FMN1: variants seen among roughly 807,000 people sequenced by gnomAD.
FMN1 encodes the protein formin-1.
FMN1 carries 110 observed loss-of-function variants against 132.4 expected under a neutral mutation model. That is an observed-to-expected ratio of 0.83 (90% CI 0.71 to 0.97). The LOEUF (loss-of-function observed/expected upper bound fraction) is 0.97. FMN1 is among the 50% of genes least tolerant of loss of function. The pLI is 0.00. For synonymous variants in FMN1, 722 were observed against 651.7 expected (o/e 1.11, Z -1.64); for missense variants, 1,792 against 1,705.3 (o/e 1.05, Z -0.90).
At chr15:33,032,463 CTGTT>C (rs913157288) in intron 6 of FMN1, among the ~76,000 whole-genome samples, 2 of 152,136 alleles carry the variant, frequency 1.3e-5, no homozygotes, top group East Asian at 1.9e-4. Context: ...TTATTTTCTT[CTGTT>C]TGTGTGTATG....
rs542968990 is a variant in FMN1, at chr15:33,119,467, C to G, written c.1868-30493G>C. ...CATCGCAAGAGCAACTGCTACAGTG[C>G]CACCCAGGAGGAGACTCTGCCAAGC... On this transcript the variant is annotated intron_variant, in intron 4 of 20. Transcript: ENST00000616417. Among the ~76,000 whole-genome samples the G allele has an allele frequency of 3.3e-4, 50 of 152,300 alleles. 1 individual carries two copies. Among genetic ancestry groups the G allele is most frequent in the Middle Eastern group, 3.4e-3 (1 of 294 alleles).
intron 3 of FMN1, among the ~76,000 whole-genome samples, chr15:33,166,002 G>C (rs1003597322): frequency 1.3e-5 from 2 of 152,190 alleles, no homozygotes; most frequent in Admixed American, 6.5e-5. Flanking sequence ...CTCACATTAT[G>C]TGTGTTTCGA....
intron 5 of FMN1, among the ~76,000 whole-genome samples, chr15:33,074,430 G>A (rs1374858189): frequency 1.3e-5 from 2 of 152,176 alleles, no homozygotes; most frequent in Non-Finnish European, 2.9e-5. Flanking sequence ...GCCTGCAGCT[G>A]TTTTCACTAA....
intron 7 of FMN1, among the ~76,000 whole-genome samples, chr15:32,994,270 C>T (rs1029100555): frequency 6.8e-6 from 1 of 147,978 alleles, no homozygotes; most frequent in African/African-American, 2.5e-5. Context: ...ACACACGTAA[C>T]CTGGGTCTCG....
At chr15:32,799,024 G>C (rs907132579) in intron 18 of FMN1, 71 bp from the exon 19 acceptor site, 24 of 1,249,414 alleles carry the variant, frequency 1.9e-5, no homozygotes, top group Non-Finnish European at 2.6e-5. Flanking sequence ...TCCATTAGAG[G>C]GGGGATGCTG....
chr15:33,083,343 G>C (rs772693992), intron 5 of FMN1, among the ~76,000 whole-genome samples: 2 of 152,136 alleles, frequency 1.3e-5, no homozygotes, highest in Non-Finnish European at 2.9e-5. Context: ...TTGTTATTCA[G>C]AACAAGCCCC....
chr15:32,776,394 C>T (rs1288794218), intron 20 of FMN1, among the ~76,000 whole-genome samples: 1 of 152,212 alleles, frequency 6.6e-6, no homozygotes, highest in Non-Finnish European at 1.5e-5. Context: ...CTTTTGTTAT[C>T]CACTTGCTAA....
chr15:32,953,771 G>A (rs76570962), intron 9 of FMN1, among the ~76,000 whole-genome samples: 13,504 of 152,174 alleles, frequency 0.089, 681 homozygotes, highest in African/African-American at 0.13. Flanking sequence ...GGCTGCTGCC[G>A]CCAAATGCAT....
At chr15:32,993,518 T>G (rs892709043) in intron 7 of FMN1, among the ~76,000 whole-genome samples, 1 of 151,374 alleles carries the variant, frequency 6.6e-6, no homozygotes, top group Non-Finnish European at 1.5e-5. Flanking sequence ...GTGGTGTGTA[T>G]ATCAAATTAA....
intron 17 of FMN1, among the ~76,000 whole-genome samples, chr15:32,804,802 T>C (rs556394627): frequency 6.6e-6 from 1 of 152,232 alleles, no homozygotes; most frequent in East Asian, 1.9e-4. Context: ...AGAATGATAG[T>C]TTCTGGCTTC....
In FMN1 at chr15:33,085,979, C is replaced by T. The variant is rs1022109466; in HGVS notation, c.2043+2820G>A. On this transcript the variant is annotated intron_variant, in intron 5 of 20. Transcript: ENST00000616417. The stretch of plus-strand genomic sequence containing the variant: ...GAAAGAGAGAGGAGGAGACCAGGTG[C>T]GGTGGCTCACGCCTGTAATCCCAGC... Among the ~76,000 whole-genome samples the T allele has an allele frequency of 8.5e-5, 13 of 152,222 alleles. No individual in the cohort carries two copies. In the East Asian group the frequency reaches 1.5e-3, roughly 18 times the overall value.
At chr15:33,088,220 T>A (rs987722612) in intron 5 of FMN1, among the ~76,000 whole-genome samples, 11 of 152,012 alleles carry the variant, frequency 7.2e-5, no homozygotes, top group East Asian at 3.9e-4. Context: ...TAAAAAAATT[T>A]AAAAAATTTA....
Position 33,154,439 on chromosome 15 carries a change from G to T in FMN1, c.476C>A (p.Pro159His). 1 of 1,536,094 alleles carries T rather than the reference G, an allele frequency of 6.5e-7. No homozygotes were observed. Among genetic ancestry groups the T allele is most frequent in the South Asian group, 1.2e-5 (1 of 84,062 alleles). The change falls in exon 4 of 21, where the codon CCT (proline) becomes CAT (histidine). Residue 159 changes from proline (P) to histidine (H), a missense_variant. Physicochemically the swap from Pro to His is moderately conservative, Grantham distance 77. Around this residue, in one of 3 missense-constraint regions of FMN1, gnomAD observed 638 missense variants for 645.2 expected, o/e 0.99. Transcript: ENST00000616417. ...NKRSTHGNKK[P>H]RRSSGRRESF... Reference sequence around the variant, plus strand: ...CTCTCTCCTTCCACTAGACCTCCGAGGCTTTTTGTTCCCGTGGGTGCTCCT... The same window carrying T: ...CTCTCTCCTTCCACTAGACCTCCGATGCTTTTTGTTCCCGTGGGTGCTCCT...
rs991183633 is a variant in FMN1 at position 32,832,079 on chromosome 15, T to G, written c.3928+24936A>C. ...ATCACTTATGATTTGAAACATAAACTCAGGCTTTGAATGTTTTAAAAACAC... is the reference window on the plus strand; with the variant it reads ...ATCACTTATGATTTGAAACATAAACGCAGGCTTTGAATGTTTTAAAAACAC... On this transcript the variant is annotated intron_variant, in intron 17 of 20. Coordinates refer to ENST00000616417, the MANE Select transcript of FMN1 (RefSeq NM_001277313.2). Among the ~76,000 whole-genome samples the G allele has an allele frequency of 2.0e-5, 3 of 152,118 alleles. No individual in the cohort carries two copies. The East Asian group carries it at 5.8e-4, about 29-fold the overall frequency.
intron 4 of FMN1, among the ~76,000 whole-genome samples, chr15:33,114,535 G>T (rs1235955621): frequency 6.6e-6 from 1 of 152,208 alleles, no homozygotes; most frequent in Non-Finnish European, 1.5e-5. Context: ...CCAATCATTT[G>T]AATCATCCAG....
intron 19 of FMN1, among the ~76,000 whole-genome samples, chr15:32,788,284 T>C (rs563214430): frequency 6.6e-6 from 1 of 152,378 alleles, no homozygotes; most frequent in Non-Finnish European, 1.5e-5. Context: ...CGCATTCATT[T>C]CCTCATTTAG....
intron 19 of FMN1, among the ~76,000 whole-genome samples, chr15:32,795,790 G>A (rs955665956): frequency 2.0e-5 from 3 of 152,174 alleles, no homozygotes; most frequent in African/African-American, 2.4e-5. Flanking sequence ...AGAAAGTGGC[G>A]CTTTTGGATT....
intron 5 of FMN1, among the ~76,000 whole-genome samples, chr15:33,082,053 G>GTT (rs540217494): frequency 0.032 from 4,246 of 134,504 alleles, 100 homozygotes; most frequent in Non-Finnish European, 0.039. Context: ...GTGTGTGTGT[G>GTT]TAAGACGGAG....
intron 9 of FMN1, among the ~76,000 whole-genome samples, chr15:32,951,531 G>C (rs1226239526): frequency 6.6e-6 from 1 of 152,116 alleles, no homozygotes; most frequent in African/African-American, 2.4e-5. Context: ...AAGTGAATGA[G>C]AGATGAGGCT....
Sources: allele counts gnomAD v4.1 joint callset (sites outside exome capture counted in the v4.1 genomes callset), GRCh38; gene constraint gnomAD v4.1.1; regional missense constraint gnomAD v4.1.1; transcripts MANE v1.5; gene names NCBI Gene and HGNC (gene_info 2026-07-23, HGNC 2026-07-21).